The following P2RY6 variants were observed in gnomAD, a reference collection of about 807,000 sequenced individuals.
P2RY6 encodes the protein P2Y purinoceptor 6.
A neutral mutation model predicts 16.3 loss-of-function variants in P2RY6; 19 were observed. The observed-to-expected ratio is 1.16, with a 90% CI of 0.81 to 1.71. The LOEUF (loss-of-function observed/expected upper bound fraction) is 1.71. P2RY6 is among the 40% of genes most tolerant of loss of function. The pLI, the probability that P2RY6 is intolerant of heterozygous loss-of-function variation, is 0.00. For synonymous variants in P2RY6, 184 were observed against 201.5 expected, an observed-to-expected ratio of 0.91 and a Z score of 0.74; for missense variants, 389 against 455.5, an observed-to-expected ratio of 0.85 and a Z score of 1.33.
chr11:73,297,717 C>T lies in P2RY6; in HGVS notation c.*212C>T, dbSNP rs548333126. On this transcript the variant is annotated 3_prime_UTR_variant, in exon 3 of 3. Transcript: ENST00000540124. ...GGCATGGAGATGGACAGACCTGGGC[C>T]TGGCTCTTGAGAGGTCCCAGTCAGC... 1.9e-4 allele frequency: 110 copies of T among 591,928 alleles called. No individual in the cohort carries two copies. In the African/African-American group the frequency reaches 1.9e-3, roughly 10 times the overall value. The allele number at this position is 591,928 out of a possible 1,614,324, so 36.7% of individuals were successfully genotyped here.
intron 1 of P2RY6, among the ~76,000 whole-genome samples, chr11:73,279,499 A>C (rs1279804720): frequency 1.3e-5 from 2 of 152,374 alleles, no homozygotes; most frequent in African/African-American, 2.4e-5. Context: ...AATGTATATC[A>C]GTTTATATAA....
upstream of P2RY6, among the ~76,000 whole-genome samples, chr11:73,267,662 G>C (rs1207317951): frequency 1.3e-5 from 2 of 152,206 alleles, no homozygotes; most frequent in African/African-American, 4.8e-5. Context: ...CATAGGCTGG[G>C]GGGTGGAGAG....
chr11:73,294,636 A>C (rs2135757301), intron 1 of P2RY6, among the ~76,000 whole-genome samples: 1 of 152,370 alleles, frequency 6.6e-6, no homozygotes, highest in South Asian at 2.1e-4. Flanking sequence ...TGTGGGCTGC[A>C]GACTATAGAA....
At chr11:73,272,109 A>G (rs1307746244), upstream of P2RY6, 1 of 152,516 alleles carries the variant, frequency 6.6e-6, no homozygotes, top group Non-Finnish European at 1.5e-5. Flanking sequence ...CATCCTCCCA[A>G]CAGTCCCTTG....
At chr11:73,294,528 C>A (rs1219022881) in intron 1 of P2RY6, among the ~76,000 whole-genome samples, 1 of 152,184 alleles carries the variant, frequency 6.6e-6, no homozygotes, top group Non-Finnish European at 1.5e-5. Context: ...CTCTGGCCTC[C>A]CCATTGTGCC....
intron 1 of P2RY6, among the ~76,000 whole-genome samples, chr11:73,277,116 A>ATT (rs11354080): frequency 4.6e-4 from 67 of 145,940 alleles, no homozygotes; most frequent in African/African-American, 8.1e-4. Flanking sequence ...AGAAATACAG[A>ATT]TTTTTTTTTT....
chr11:73,284,429 T>TGA (rs1449561912), intron 1 of P2RY6, among the ~76,000 whole-genome samples: 1 of 151,514 alleles, frequency 6.6e-6, no homozygotes, highest in Non-Finnish European at 1.5e-5. Flanking sequence ...TGCAGGGAGG[T>TGA]GAGAGTACCA....
chr11:73,275,903 C>T (rs1863516511), intron 1 of P2RY6, among the ~76,000 whole-genome samples: 1 of 152,160 alleles, frequency 6.6e-6, no homozygotes, highest in Non-Finnish European at 1.5e-5. Context: ...ACAGCAACAC[C>T]AAGAGCGGTT....
At chr11:73,267,370 G>A (rs1468222119), upstream of P2RY6, among the ~76,000 whole-genome samples, 1 of 152,162 alleles carries the variant, frequency 6.6e-6, no homozygotes, top group African/African-American at 2.4e-5. Flanking sequence ...CATCAGAGCA[G>A]CAGAGTTGCT....
Position 73,296,234 on chromosome 11 carries a change from A to G in P2RY6, c.-34-251A>G, listed in dbSNP as rs1223943796. 3.6e-4 allele frequency among the ~76,000 whole-genome samples: 36 copies of G among 98,860 alleles called. 1 individual carries two copies. Among genetic ancestry groups the G allele is most frequent in the Middle Eastern group, 9.9e-3 (2 of 202 alleles). 64.9% of individuals were successfully genotyped at this position (98,860 alleles called of 152,430 possible). ...TAGGAAGGCTGAAGGAAAAAAAAAA[A>G]TATATATATATATATATATATATAA... is the stretch of plus-strand genomic sequence containing the variant. On this transcript the variant is annotated intron_variant, in intron 2 of 2. Transcript: ENST00000540124.
intron 1 of P2RY6, among the ~76,000 whole-genome samples, chr11:73,285,771 C>T (rs753757458): frequency 9.9e-5 from 15 of 152,198 alleles, no homozygotes; most frequent in African/African-American, 2.2e-4. Flanking sequence ...CCACAGACCA[C>T]GGCCTCATCC....
chr11:73,271,561 C>T (rs1181732898), upstream of P2RY6: 1 of 152,148 alleles, frequency 6.6e-6, no homozygotes, highest in Non-Finnish European at 1.5e-5. Flanking sequence ...CGGGAGGTTT[C>T]ACAATGTCCT....
chr11:73,284,876 G>A (rs905281711), intron 1 of P2RY6, among the ~76,000 whole-genome samples: 2 of 152,178 alleles, frequency 1.3e-5, no homozygotes, highest in South Asian at 4.1e-4. Context: ...AGTCATGAGA[G>A]AGAGACAATA....
At chr11:73,271,442 C>G (rs1863304822), upstream of P2RY6, 1 of 152,214 alleles carries the variant, frequency 6.6e-6, no homozygotes, top group Non-Finnish European at 1.5e-5. Flanking sequence ...CTTTTAAGGG[C>G]TCACAGCTCT....
chr11:73,283,959 C>T (rs112275178), intron 1 of P2RY6, among the ~76,000 whole-genome samples: 10 of 152,018 alleles, frequency 6.6e-5, no homozygotes, highest in East Asian at 3.9e-4. Context: ...TGGAGTCCCG[C>T]GGGGCTGTGG....
chr11:73,295,619 G>A, intron 1 of P2RY6, 111 bp from the exon 2 acceptor site: 1 of 195,336 alleles, frequency 5.1e-6, no homozygotes, highest in Non-Finnish European at 9.3e-6. Context: ...TTTTCACTCT[G>A]GGCACTAGGA....
At chr11:73,278,308 C>T (rs986076331) in intron 1 of P2RY6, among the ~76,000 whole-genome samples, 5 of 152,056 alleles carry the variant, frequency 3.3e-5, no homozygotes, top group African/African-American at 9.7e-5. Context: ...TACAGGCACA[C>T]ACCACCACGG....
At chr11:73,270,133 A>G (rs1047467174), upstream of P2RY6, 4 of 152,102 alleles carry the variant, frequency 2.6e-5, no homozygotes, top group African/African-American at 9.7e-5. Flanking sequence ...TGTCTTGCTC[A>G]TTCTTCATGA....
intron 1 of P2RY6, among the ~76,000 whole-genome samples, chr11:73,273,026 C>G (rs766691536): frequency 4.6e-5 from 7 of 151,682 alleles, no homozygotes; most frequent in Non-Finnish European, 7.4e-5. Flanking sequence ...CTTGGGAAGC[C>G]TCTCACCTCT....
Sources: gnomAD v4.1 joint callset for allele counts (sites outside exome capture counted in the v4.1 genomes callset) on GRCh38, gnomAD v4.1.1 for gene constraint, MANE v1.5 for transcripts, NCBI Gene and HGNC (gene_info 2026-07-23, HGNC 2026-07-21) for gene names.